The following BPTF variants were observed in gnomAD, a reference collection of about 807,000 sequenced individuals.
BPTF encodes the protein bromodomain PHD finger transcription factor.
A neutral mutation model predicts 292.5 loss-of-function variants in BPTF; 18 were observed. The observed-to-expected ratio is 0.06, with a 90% CI of 0.04 to 0.09. The LOEUF (loss-of-function observed/expected upper bound fraction) is 0.09. BPTF is among the 10% of genes least tolerant of loss of function. The pLI is 1.00. For synonymous variants in BPTF, 1,225 were observed against 1,251.9 expected, an observed-to-expected ratio of 0.98 and a Z score of 0.45; for missense variants, 2,726 against 3,498.7, an observed-to-expected ratio of 0.78 and a Z score of 5.57.
At chr17:67,942,260 G>T (rs868996181) in intron 19 of BPTF, among the ~76,000 whole-genome samples, 2 of 151,736 alleles carry the variant, frequency 1.3e-5, no homozygotes, top group African/African-American at 4.8e-5. Flanking sequence ...AGGTTGCAGC[G>T]AGCCAAGATA....
At chr17:67,917,539 A>G (rs768029546) in intron 11 of BPTF, among the ~76,000 whole-genome samples, 3 of 152,146 alleles carry the variant, frequency 2.0e-5, no homozygotes, top group Non-Finnish European at 4.4e-5. Flanking sequence ...CATGTTTTGA[A>G]TAACCACCAT....
At chr17:67,932,638 T>A (rs1353635064) in intron 18 of BPTF, among the ~76,000 whole-genome samples, 1 of 152,130 alleles carries the variant, frequency 6.6e-6, no homozygotes, top group Non-Finnish European at 1.5e-5. Context: ...GAGGCAGAGG[T>A]TGCAGTGAGC....
intron 14 of BPTF, among the ~76,000 whole-genome samples, chr17:67,923,630 C>T (rs1460906401): frequency 1.3e-5 from 2 of 151,060 alleles, no homozygotes; most frequent in Non-Finnish European, 2.9e-5. Flanking sequence ...CGGGGGTGTG[C>T]CACCATGCCC....
chr17:67,870,355 G>A (rs953777149), intron 3 of BPTF, among the ~76,000 whole-genome samples: 2 of 151,858 alleles, frequency 1.3e-5, no homozygotes, highest in African/African-American at 4.8e-5. Flanking sequence ...AAGAGAAGGG[G>A]ACACGGACAT....
chr17:67,904,547 A>AT (rs574401020), intron 8 of BPTF, among the ~76,000 whole-genome samples, 155 bp from the exon 9 acceptor site: 113 of 152,210 alleles, frequency 7.4e-4, no homozygotes, highest in African/African-American at 2.6e-3. Flanking sequence ...TGATTAGTAA[A>AT]TTTTTTTTGT....
rs781867778 is a variant in BPTF at position 67,959,577 on chromosome 17, A to G, written c.7963A>G (p.Lys2655Glu). ...GAGAGACCTGAAAATTAAGAAAGAA[A>G]AAGACCTGATGCAGTTGGCTCAGGC... ...LKRDLKIKKE[K>E]DLMQLAQATA... Residue 2655 changes from lysine (K) to glutamate (E), a missense_variant, in exon 24 of 28, where the codon AAA becomes GAA. Lys to Glu is a moderately conservative substitution (Grantham distance 56). This residue lies in a region of BPTF where 148 missense variants were observed against 145.5 expected (regional missense o/e 1.02). Transcript: ENST00000306378. 1 of 1,532,112 alleles carries G rather than the reference A, an allele frequency of 6.5e-7. No individual in the cohort carries two copies. The highest frequency in any genetic ancestry group is 2.3e-5 in the East Asian group (1 of 44,322). The allele number at this position is 1,532,112 out of a possible 1,614,324, so 94.9% of individuals were successfully genotyped here.
intron 27 of BPTF, chr17:67,981,608 A>T: frequency 5.7e-6 from 6 of 1,047,388 alleles, no homozygotes; most frequent in Non-Finnish European, 5.8e-6. Flanking sequence ...AATTTACTCT[A>T]GCAGCCATGT....
Position 67,844,982 on chromosome 17 carries a change from A to G in BPTF, c.614-8958A>G, listed in dbSNP as rs61594807. 7.9e-5 allele frequency among the ~76,000 whole-genome samples: 12 copies of G among 152,180 alleles called. No homozygotes were observed. The East Asian group carries it at 2.1e-3, about 27-fold the overall frequency. On this transcript the variant is annotated intron_variant, in intron 1 of 27. Coordinates refer to ENST00000306378, the MANE Select transcript of BPTF (RefSeq NM_182641.4). ...GGTCACGAACTTCCAACCTCAAGTA[A>G]TCCATCCGCCTCAGCCTCCCAAAGT... is the stretch of plus-strand genomic sequence containing the variant.
chr17:67,900,903 G>T (rs1264163767), intron 7 of BPTF, among the ~76,000 whole-genome samples: 1 of 151,270 alleles, frequency 6.6e-6, no homozygotes, highest in African/African-American at 2.4e-5. Flanking sequence ...CAGCTGCTTG[G>T]GAGACTGAGC....
intron 12 of BPTF, among the ~76,000 whole-genome samples, chr17:67,919,716 G>T (rs2063310053): frequency 6.6e-6 from 1 of 152,140 alleles, no homozygotes; most frequent in African/African-American, 2.4e-5. Context: ...AAGACTTCTG[G>T]AGGCCTGTGC....
intron 23 of BPTF, among the ~76,000 whole-genome samples, chr17:67,953,328 C>T (rs2066571635): frequency 6.6e-6 from 1 of 150,468 alleles, no homozygotes; most frequent in Non-Finnish European, 1.5e-5. Flanking sequence ...GCGATCTCGG[C>T]TCCTGCAACC....
chr17:67,950,315 C>G (rs1224270932), intron 23 of BPTF, among the ~76,000 whole-genome samples: 2 of 151,390 alleles, frequency 1.3e-5, no homozygotes, highest in East Asian at 3.9e-4. Flanking sequence ...ATTAACCAGA[C>G]TAATAATACT....
intron 24 of BPTF, chr17:67,960,224 T>G (rs2067344919): frequency 1.1e-5 from 2 of 186,086 alleles, no homozygotes; most frequent in South Asian, 2.6e-4. Context: ...GAGAGCATCC[T>G]TTCTGGGATC....
At chr17:67,938,924 C>T (rs2065143514) in intron 18 of BPTF, among the ~76,000 whole-genome samples, 1 of 152,096 alleles carries the variant, frequency 6.6e-6, no homozygotes, top group Non-Finnish European at 1.5e-5. Context: ...TTAATGCCAA[C>T]CTGTGGTAAT....
intron 1 of BPTF, among the ~76,000 whole-genome samples, chr17:67,841,796 T>TGGC (rs2057574360): frequency 6.6e-6 from 1 of 152,220 alleles, no homozygotes; most frequent in East Asian, 1.9e-4. Context: ...CCATTTACAT[T>TGGC]TAATATGATT....
intron 4 of BPTF, among the ~76,000 whole-genome samples, chr17:67,880,800 C>G (rs1447694162): frequency 6.6e-6 from 1 of 150,432 alleles, no homozygotes. Context: ...TTTTTTTTTT[C>G]TAGTTGATTT....
chr17:67,921,749 C>T (rs762085264), intron 13 of BPTF, among the ~76,000 whole-genome samples: 15 of 151,760 alleles, frequency 9.9e-5, no homozygotes, highest in African/African-American at 1.7e-4. Context: ...CTTAAAACAG[C>T]GGCCAGGTGC....
At chr17:67,973,163 A>G (rs890472248) in intron 26 of BPTF, among the ~76,000 whole-genome samples, 11 of 149,706 alleles carry the variant, frequency 7.3e-5, no homozygotes, top group African/African-American at 2.2e-4. Context: ...TCACGAGGTC[A>G]GGAGATTGAG....
chr17:67,830,450 A>G (rs1016251546), intron 1 of BPTF, among the ~76,000 whole-genome samples: 14 of 152,234 alleles, frequency 9.2e-5, no homozygotes, highest in African/African-American at 3.1e-4. Flanking sequence ...GTTTGACAAT[A>G]TTATTCCTAT....
Sources: gnomAD v4.1 joint callset for allele counts (sites outside exome capture counted in the v4.1 genomes callset) on GRCh38, gnomAD v4.1.1 for gene constraint, gnomAD v4.1.1 regional missense constraint, MANE v1.5 for transcripts, NCBI Gene and HGNC (gene_info 2026-07-23, HGNC 2026-07-21) for gene names.